The following DNAH14 variants were observed in gnomAD, a reference collection of about 807,000 sequenced individuals.
DNAH14 encodes the protein axonemal beta dynein heavy chain 14.
Under a neutral mutation model 520.9 loss-of-function variants are expected in DNAH14, and 478 were observed. That is an observed-to-expected ratio of 0.92 (90% CI 0.85 to 0.99). The LOEUF (loss-of-function observed/expected upper bound fraction) is 0.99, where lower values mean the gene tolerates loss of function less well. Ranked by LOEUF, DNAH14 falls within the 50% of genes least tolerant of loss-of-function variation. The pLI is 0.00. For synonymous variants in DNAH14, 1,581 were observed against 1,757.2 expected (o/e 0.90, Z 2.51); for missense variants, 4,831 against 5,234.5 (o/e 0.92, Z 2.38).
At chr1:225,206,385 C>G (rs1472913373) in intron 40 of DNAH14, among the ~76,000 whole-genome samples, 1 of 152,104 alleles carries the variant, frequency 6.6e-6, no homozygotes, top group Non-Finnish European at 1.5e-5. Flanking sequence ...TAATACTACT[C>G]TTAGTAATTG....
At chr1:225,241,346 G>A (rs2091953142) in intron 43 of DNAH14, among the ~76,000 whole-genome samples, 1 of 152,264 alleles carries the variant, frequency 6.6e-6, no homozygotes, top group South Asian at 2.1e-4. Context: ...GATTGTTGAT[G>A]CAGGTACCAA....
chr1:225,321,529 T>C (rs2094554985), intron 61 of DNAH14, among the ~76,000 whole-genome samples: 1 of 152,230 alleles, frequency 6.6e-6, no homozygotes, highest in African/African-American at 2.4e-5. Context: ...GTTGCCTTCC[T>C]TCTTTGGGAA....
intron 1 of DNAH14, among the ~76,000 whole-genome samples, chr1:224,940,825 A>G (rs1232192876): frequency 6.6e-6 from 1 of 152,170 alleles, no homozygotes; most frequent in African/African-American, 2.4e-5. Flanking sequence ...ACCTTCATCT[A>G]TGTCCCTACA....
At chr1:224,997,688 A>G (rs1344239291) in intron 8 of DNAH14, among the ~76,000 whole-genome samples, 3 of 151,582 alleles carry the variant, frequency 2.0e-5, no homozygotes, top group Admixed American at 6.6e-5. Flanking sequence ...GGGCCTGGAG[A>G]TTGCTTCTTT....
intron 8 of DNAH14, among the ~76,000 whole-genome samples, chr1:224,990,000 A>T: frequency 6.8e-6 from 1 of 147,062 alleles, no homozygotes; most frequent in East Asian, 2.0e-4. Flanking sequence ...ATGAGGAATG[A>T]TGGTCTGTGT....
At chr1:225,237,499 A>G (rs1480902395) in intron 42 of DNAH14, among the ~76,000 whole-genome samples, 1 of 152,158 alleles carries the variant, frequency 6.6e-6, no homozygotes, top group Non-Finnish European at 1.5e-5. Flanking sequence ...GATGTGCTTC[A>G]CTTTGTAGGT....
rs774430560 is a variant in DNAH14 at position 225,050,263 on chromosome 1, G to C, written c.1966G>C (p.Val656Leu). 1.9e-6 allele frequency: 3 copies of C among 1,549,552 alleles called. No individual in the cohort carries two copies. Among genetic ancestry groups the C allele is most frequent in the Non-Finnish European group, 2.6e-6 (3 of 1,146,272 alleles). The stretch of plus-strand genomic sequence containing the variant: ...CCAGCTGTCTATCTTCATTGATTTG[G>C]TTTCAATAATGGATTTACCTAATAA... ...DPQLSIFIDLVSIMDLPNKTG... is the reference protein window; with the variant it reads ...DPQLSIFIDLLSIMDLPNKTG... Residue 656 changes from valine (V) to leucine (L), a missense_variant, in exon 16 of 86, where the codon GTT becomes CTT. Coordinates refer to ENST00000682510, the MANE Select transcript of DNAH14 (RefSeq NM_001367479.1).
chr1:225,225,348 C>G (rs202086609), intron 41 of DNAH14, among the ~76,000 whole-genome samples: 2 of 152,156 alleles, frequency 1.3e-5, no homozygotes, highest in East Asian at 3.9e-4. Context: ...CATGCTCTTC[C>G]TGGAGAGTCC....
intron 41 of DNAH14, among the ~76,000 whole-genome samples, chr1:225,221,698 G>A (rs2149512146): frequency 6.6e-6 from 1 of 152,246 alleles, no homozygotes; most frequent in Middle Eastern, 3.4e-3. Context: ...AAATTATAAG[G>A]AAAGATGCAA....
At chr1:225,312,564 T>A (rs1391358192) in intron 60 of DNAH14, among the ~76,000 whole-genome samples, 3 of 152,208 alleles carry the variant, frequency 2.0e-5, no homozygotes, top group Admixed American at 1.3e-4. Flanking sequence ...CCATTCGGTA[T>A]GATATTGGCT....
chr1:225,312,889 T>C (rs2094396261), intron 60 of DNAH14, among the ~76,000 whole-genome samples: 2 of 152,248 alleles, frequency 1.3e-5, no homozygotes, highest in East Asian at 1.9e-4. Context: ...ATCAGGGATA[T>C]TGGCCTGAGA....
chr1:225,289,432 G>A (rs539110563), intron 54 of DNAH14, among the ~76,000 whole-genome samples: 1 of 152,250 alleles, frequency 6.6e-6, no homozygotes, highest in Non-Finnish European at 1.5e-5. Context: ...GGTATAAGCT[G>A]TAAATTACAC....
At chr1:225,337,523 C>T (rs2150361467) in intron 67 of DNAH14, 27 bp downstream of exon 67, 1 of 1,522,148 alleles carries the variant, frequency 6.6e-7, no homozygotes. Context: ...GCCTAATTTC[C>T]CTTGCAGCTG....
chr1:225,070,138 A>T (rs1030688421), intron 17 of DNAH14, among the ~76,000 whole-genome samples: 6 of 151,240 alleles, frequency 4.0e-5, no homozygotes, highest in African/African-American at 1.5e-4. Flanking sequence ...TCTTTTATTA[A>T]TTTTTTTCAA....
In DNAH14 at chr1:225,351,737, C is replaced by A; in HGVS notation, c.11387C>A (p.Pro3796Gln). Residue 3796 changes from proline to glutamine, a missense_variant, in exon 72 of 86, where the codon CCA (proline) becomes CAA (glutamine). Pro to Gln is a moderately conservative substitution (Grantham distance 76, BLOSUM62 -1). Transcript: ENST00000682510. Reference protein sequence around the residue: ...QCQYVSTHLEPFSLLCKSLLS... With the variant: ...QCQYVSTHLEQFSLLCKSLLS... Reference sequence around the variant, plus strand: ...CAATATGTCAGCACTCACCTGGAACCATTTTCACTTCTGTGCAAATCCCTT... The same window carrying A: ...CAATATGTCAGCACTCACCTGGAACAATTTTCACTTCTGTGCAAATCCCTT... 1 of 1,551,296 alleles carries A rather than the reference C, an allele frequency of 6.4e-7. No homozygotes were observed. The highest frequency in any genetic ancestry group is 1.2e-5 in the South Asian group (1 of 84,058).
chr1:225,250,081 G>A (rs995396809), intron 43 of DNAH14, among the ~76,000 whole-genome samples: 4 of 152,112 alleles, frequency 2.6e-5, no homozygotes, highest in Non-Finnish European at 5.9e-5. Flanking sequence ...ATTTCTCTTG[G>A]GTAGATGCCT....
At chr1:225,078,370 T>G (rs1467844111) in intron 17 of DNAH14, among the ~76,000 whole-genome samples, 1 of 152,238 alleles carries the variant, frequency 6.6e-6, no homozygotes, top group African/African-American at 2.4e-5. Context: ...CAAAAAGTTG[T>G]AGCATTTATT....
chr1:225,343,077 C>T (rs1553342174), intron 69 of DNAH14, among the ~76,000 whole-genome samples: 2 of 152,156 alleles, frequency 1.3e-5, no homozygotes, highest in South Asian at 2.1e-4. Flanking sequence ...TAGTTACAAA[C>T]TTTTCCCCAC....
chr1:225,153,987 G>C (rs181752671), intron 34 of DNAH14, among the ~76,000 whole-genome samples, 161 bp downstream of exon 34: 9 of 151,812 alleles, frequency 5.9e-5, no homozygotes, highest in Admixed American at 2.0e-4. Flanking sequence ...AGAAGAGTAA[G>C]AAAAAATGCA....
Sources: gnomAD v4.1 joint callset for allele counts (sites outside exome capture counted in the v4.1 genomes callset) on GRCh38, gnomAD v4.1.1 for gene constraint, MANE v1.5 for transcripts, NCBI Gene and HGNC (gene_info 2026-07-23, HGNC 2026-07-21) for gene names.